The following CSMD3 variants were observed in gnomAD, a reference collection of about 807,000 sequenced individuals.
CSMD3 encodes the protein CUB and sushi domain-containing protein 3.
A neutral mutation model predicts 435.2 loss-of-function variants in CSMD3; 177 were observed. The observed-to-expected ratio is 0.41, with a 90% CI of 0.36 to 0.46. The LOEUF (loss-of-function observed/expected upper bound fraction) is 0.46. Among genes scored for constraint, CSMD3 ranks in the 20% least tolerant of loss-of-function variants. The pLI, the probability that CSMD3 is intolerant of heterozygous loss-of-function variation, is 0.34. For synonymous variants in CSMD3, 1,656 were observed against 1,520.5 expected (o/e 1.09, Z -2.07); for missense variants, 4,265 against 4,504.6 (o/e 0.95, Z 1.52).
intron 3 of CSMD3, among the ~76,000 whole-genome samples, chr8:113,243,818 A>T (rs763824466): frequency 6.6e-6 from 1 of 152,116 alleles, no homozygotes; most frequent in South Asian, 2.1e-4. Context: ...GGTGTGAAGT[A>T]GTCTCATTGT....
At chr8:113,021,127 C>T (rs934377502) in intron 5 of CSMD3, among the ~76,000 whole-genome samples, 2 of 152,036 alleles carry the variant, frequency 1.3e-5, no homozygotes, top group Admixed American at 1.3e-4. Flanking sequence ...CGTAATGTTT[C>T]CCTATAAATC....
chr8:112,902,115 A>C (rs1408992473), intron 10 of CSMD3, among the ~76,000 whole-genome samples: 3 of 151,308 alleles, frequency 2.0e-5, no homozygotes, highest in Admixed American at 1.3e-4. Flanking sequence ...TTGAGCTATA[A>C]GTGTCTGTGA....
chr8:113,302,540 C>T (rs1219062077), intron 2 of CSMD3, among the ~76,000 whole-genome samples: 1 of 151,118 alleles, frequency 6.6e-6, no homozygotes, highest in African/African-American at 2.4e-5. Context: ...TTTACGAGCT[C>T]ATATTAATTA....
At chr8:112,370,153 T>C (rs543287360) in intron 38 of CSMD3, among the ~76,000 whole-genome samples, 3 of 152,110 alleles carry the variant, frequency 2.0e-5, no homozygotes, top group Non-Finnish European at 4.4e-5. Flanking sequence ...CCCATAGTCA[T>C]ACAAAGTGAT....
At chr8:112,541,750 C>A (rs1826684519) in intron 27 of CSMD3, among the ~76,000 whole-genome samples, 1 of 151,492 alleles carries the variant, frequency 6.6e-6, no homozygotes, top group Admixed American at 6.6e-5. Flanking sequence ...AAAACAAAAC[C>A]AAAAACAAAC....
In CSMD3 at chr8:112,263,621, A is replaced by G. The variant is rs1255088032; in HGVS notation, c.9862+18T>C. The G allele has an allele frequency of 1.9e-6, 3 of 1,609,700 alleles. No individual in the cohort carries two copies. The South Asian group carries it at 3.3e-5, about 18-fold the overall frequency. On this transcript the variant is annotated intron_variant, in intron 61 of 70. Transcript: ENST00000297405. The stretch of plus-strand genomic sequence containing the variant: ...TTGAAAATTTTAAGTAACAGTTGTT[A>G]GTAGAAATCATACTTACGTAAGCAC...
intron 61 of CSMD3, among the ~76,000 whole-genome samples, chr8:112,259,127 T>C (rs1449823688): frequency 6.6e-6 from 1 of 152,018 alleles, no homozygotes; most frequent in Non-Finnish European, 1.5e-5. Flanking sequence ...CATTCTACTA[T>C]AAAGACACAG....
At chr8:112,366,744 TC>T (rs1270214016) in intron 38 of CSMD3, among the ~76,000 whole-genome samples, 1 of 152,100 alleles carries the variant, frequency 6.6e-6, no homozygotes, top group Non-Finnish European at 1.5e-5. Flanking sequence ...GACTTCCTTT[TC>T]TTTTGTAATC....
chr8:112,540,230 C>T (rs1013093451), intron 27 of CSMD3, among the ~76,000 whole-genome samples: 21 of 151,610 alleles, frequency 1.4e-4, no homozygotes, highest in South Asian at 2.1e-4. Context: ...AAAACCACAA[C>T]GAGATATTAT....
intron 3 of CSMD3, among the ~76,000 whole-genome samples, chr8:113,193,659 C>T (rs1263683774): frequency 6.6e-6 from 1 of 151,428 alleles, no homozygotes; most frequent in Non-Finnish European, 1.5e-5. Context: ...CGTGTTTCCT[C>T]TTTTATCTAA....
chr8:113,430,073 C>G (rs998833940), intron 1 of CSMD3, among the ~76,000 whole-genome samples: 1 of 152,072 alleles, frequency 6.6e-6, no homozygotes, highest in African/African-American at 2.4e-5. Context: ...ATTCATATAG[C>G]CAGCACCAGA....
chr8:112,706,883 C>T (rs2076509473), intron 13 of CSMD3, among the ~76,000 whole-genome samples: 1 of 151,990 alleles, frequency 6.6e-6, no homozygotes, highest in African/African-American at 2.4e-5. Context: ...ATGGAAGTAT[C>T]AGGAAACATT....
intron 6 of CSMD3, among the ~76,000 whole-genome samples, chr8:113,010,453 A>G (rs2086217036): frequency 6.6e-6 from 1 of 151,838 alleles, no homozygotes; most frequent in African/African-American, 2.4e-5. Flanking sequence ...GTTATGCAAA[A>G]TGATCTATCA....
At chr8:113,357,966 A>G (rs984133089) in intron 1 of CSMD3, among the ~76,000 whole-genome samples, 2 of 152,170 alleles carry the variant, frequency 1.3e-5, no homozygotes, top group Admixed American at 1.3e-4. Context: ...TTTATAAATT[A>G]CCCAGTCTCA....
At chr8:112,580,124 G>A (rs913167983) in intron 23 of CSMD3, among the ~76,000 whole-genome samples, 1 of 151,878 alleles carries the variant, frequency 6.6e-6, no homozygotes, top group African/African-American at 2.4e-5. Context: ...ATTTCTCATT[G>A]GTATTCAATT....
intron 10 of CSMD3, among the ~76,000 whole-genome samples, chr8:112,902,189 T>G (rs2082123826): frequency 6.6e-6 from 1 of 151,224 alleles, no homozygotes; most frequent in Admixed American, 6.6e-5. Flanking sequence ...TGTCCCAAAC[T>G]TGTCAGTGGC....
Position 112,682,612 on chromosome 8 carries a change from T to A in CSMD3, c.2507A>T (p.Asp836Val), listed in dbSNP as rs770144423. 6.2e-7 allele frequency: 1 copy of A among 1,612,944 alleles called. No homozygotes were observed. ...YNTFGHNECP[D>V]PGIPINARRF... ...CCGTGCATTGATTGGTATTCCAGGA[T>A]CAGGGCATTCATTATGTCCAAATGC... Residue 836 changes from aspartate to valine, a missense_variant, in exon 16 of 71, where the codon GAT becomes GTT. By Grantham distance (152) the Asp-to-Val change is radical. Coordinates refer to ENST00000297405, the MANE Select transcript of CSMD3 (RefSeq NM_198123.2).
Position 112,265,490 on chromosome 8 carries a change from G to T in CSMD3, c.9609C>A (p.Tyr3203Ter). ...TTCTGGAGCCATTCAATTCCATCGT[G>T]TAGCCTGGCTGGCACATGTAAGAAA... is the stretch of plus-strand genomic sequence containing the variant. ...QNVSYMCQPG[Y>*]TMELNGSRIR... The change falls in exon 60 of 71, where the codon TAC becomes TAA. Residue 3203 changes from tyrosine (Y) to a stop codon, truncating the protein, a stop_gained. Coordinates refer to ENST00000297405, the MANE Select transcript of CSMD3 (RefSeq NM_198123.2). LOFTEE classifies it high-confidence loss of function. The T allele has an allele frequency of 6.2e-7, 1 of 1,613,560 alleles. No individual in the cohort carries two copies. Among genetic ancestry groups the T allele is most frequent in the Non-Finnish European group, 8.5e-7 (1 of 1,179,584 alleles).
At chr8:112,499,407 A>G (rs1821707936) in intron 30 of CSMD3, among the ~76,000 whole-genome samples, 1 of 152,070 alleles carries the variant, frequency 6.6e-6, no homozygotes, top group African/African-American at 2.4e-5. Flanking sequence ...GAGCAGGTCA[A>G]AAAATGGTGA....
Sources: allele counts gnomAD v4.1 joint callset (sites outside exome capture counted in the v4.1 genomes callset), GRCh38; gene constraint gnomAD v4.1.1; transcripts MANE v1.5; gene names NCBI Gene and HGNC (gene_info 2026-07-23, HGNC 2026-07-21).